Variants in STK31 observed in about 807,000 individuals in gnomAD.
STK31 encodes the protein serine/threonine-protein kinase 31.
Under a neutral mutation model 129.7 loss-of-function variants are expected in STK31, and 89 were observed. That is an observed-to-expected ratio of 0.69 (90% CI 0.58 to 0.82). STK31 has a LOEUF of 0.82. STK31 is among the 40% of genes least tolerant of loss of function. The probability of loss-of-function intolerance (pLI) is 0.00; values close to 1 mark genes in which losing one functional copy is unlikely to be tolerated. For missense variants in STK31, 1,187 were observed against 1,176.4 expected (o/e 1.01, Z -0.13); for synonymous variants, 448 against 395.3 (o/e 1.13, Z -1.58).
intron 4 of STK31, among the ~76,000 whole-genome samples, chr7:23,724,497 A>G (rs764217668): frequency 2.0e-5 from 3 of 152,234 alleles, no homozygotes; most frequent in African/African-American, 4.8e-5. Flanking sequence ...TTACAGTACC[A>G]GCTCTATTCT....
At chr7:23,726,374 T>C (rs577437819) in intron 4 of STK31, 1 of 131,534 alleles carries the variant, frequency 7.6e-6, no homozygotes, top group East Asian at 2.2e-4. Flanking sequence ...AAGGCTACTT[T>C]GAAGTTCGAG....
At chr7:23,786,416 TAAAA>T in intron 18 of STK31, 88 bp from the exon 19 acceptor site, 9 of 1,259,588 alleles carry the variant, frequency 7.1e-6, no homozygotes, top group Non-Finnish European at 9.4e-6. Flanking sequence ...TGATTTAACT[TAAAA>T]TAATGAATTA....
intron 8 of STK31, among the ~76,000 whole-genome samples, chr7:23,741,462 G>A (rs566943286): frequency 1.7e-4 from 26 of 151,776 alleles, no homozygotes; most frequent in East Asian, 1.2e-3. Flanking sequence ...AAATTTTGAC[G>A]TATGTATACT....
chr7:23,717,444 A>G, intron 3 of STK31, 37 bp from the exon 4 acceptor site: 3 of 1,435,664 alleles, frequency 2.1e-6, no homozygotes, highest in East Asian at 2.5e-5. Context: ...GTAAAATAAT[A>G]TTTTACTGTA....
At chr7:23,726,827 A>G (rs981140730) in intron 4 of STK31, among the ~76,000 whole-genome samples, 3 of 152,158 alleles carry the variant, frequency 2.0e-5, no homozygotes, top group African/African-American at 7.2e-5. Context: ...GAATTCCACT[A>G]TAGTTGAGAG....
At chr7:23,731,904 GAAGCT>G (rs1787455143) in intron 6 of STK31, among the ~76,000 whole-genome samples, 1 of 152,236 alleles carries the variant, frequency 6.6e-6, no homozygotes, top group Non-Finnish European at 1.5e-5. Flanking sequence ...GTTTCTGAAT[GAAGCT>G]TACCAGTTTG....
At chr7:23,804,152 A>C (rs933538185) in intron 22 of STK31, among the ~76,000 whole-genome samples, 1 of 152,094 alleles carries the variant, frequency 6.6e-6, no homozygotes, top group African/African-American at 2.4e-5. Context: ...TCCTGAGCTC[A>C]AGCGATCTTC....
chr7:23,768,071 G>A (rs1789944637), intron 11 of STK31, among the ~76,000 whole-genome samples: 1 of 151,900 alleles, frequency 6.6e-6, no homozygotes, highest in African/African-American at 2.4e-5. Flanking sequence ...ACCCAGCCAG[G>A]CCAATTCATT....
intron 13 of STK31, among the ~76,000 whole-genome samples, chr7:23,770,654 G>T (rs905500685): frequency 6.6e-6 from 1 of 151,498 alleles, no homozygotes; most frequent in Non-Finnish European, 1.5e-5. Flanking sequence ...TTGCTCTGTC[G>T]CCCAGGCTGG....
chr7:23,803,041 A>G (rs1212876687), intron 22 of STK31, among the ~76,000 whole-genome samples: 5 of 152,218 alleles, frequency 3.3e-5, no homozygotes, highest in Non-Finnish European at 7.3e-5. Flanking sequence ...TGTTAGATTT[A>G]TACCTAAGAA....
At chr7:23,726,429 C>CAAAAAAAAAAAAAAAAAAAAAAAAAAA in intron 4 of STK31, 1 of 79,178 alleles carries the variant, frequency 1.3e-5, no homozygotes, top group Non-Finnish European at 2.2e-5. Flanking sequence ...CTTGCCTCTA[C>CAAAAAAAAAAAAAAAAAAAAAAAAAAA]AAAAAAAAAA....
At chr7:23,757,588 C>A (rs1407956466) in intron 10 of STK31, among the ~76,000 whole-genome samples, 1 of 152,176 alleles carries the variant, frequency 6.6e-6, no homozygotes, top group Admixed American at 6.5e-5. Flanking sequence ...CAGCATGTCT[C>A]ACCTCCAGCC....
At chr7:23,803,430 AT>A (rs1792502678) in intron 22 of STK31, among the ~76,000 whole-genome samples, 1 of 152,210 alleles carries the variant, frequency 6.6e-6, no homozygotes, top group East Asian at 1.9e-4. Context: ...CTAACTAGAT[AT>A]TTTGGGCATA....
rs1791221147 is a variant in STK31 at position 23,785,571 on chromosome 7, T to TCTGCC, written c.2245_2246insCCCTG (p.Glu749AlafsTer8). The TCTGCC allele has an allele frequency of 5.6e-6, 9 of 1,613,782 alleles. No homozygotes were observed. Among genetic ancestry groups the TCTGCC allele is most frequent in the African/African-American group, 2.7e-5 (2 of 74,926 alleles). ...TAGCAGCAAGCGTCCTTTGGTACGT[T>TCTGCC]CTGAGGTTAATGGGCAGATAATTCT... On this transcript the variant is annotated frameshift_variant, in exon 18 of 24. Coordinates refer to ENST00000355870, the MANE Select transcript of STK31 (RefSeq NM_031414.5). LOFTEE classifies it high-confidence loss of function.
At chr7:23,718,468 C>T (rs1786486274) in intron 4 of STK31, among the ~76,000 whole-genome samples, 1 of 152,098 alleles carries the variant, frequency 6.6e-6, no homozygotes, top group South Asian at 2.1e-4. Flanking sequence ...TCTATCATTT[C>T]AGAAAATTCC....
At position 23,824,878 on chromosome 7, in the gene STK31, C is replaced by G. The variant is rs1168201999; in HGVS notation, c.2830-7258C>G. Among the ~76,000 whole-genome samples, 13 of 151,886 alleles carry G rather than the reference C, an allele frequency of 8.6e-5. No individual in the cohort carries two copies. The South Asian group carries it at 2.7e-3, about 32-fold the overall frequency. Reference sequence around the variant, plus strand: ...AATCATGTGGTTTTTGTCTTTGGTTCTGTTTATATGCTGGATTACGTTTAT... The same window carrying G: ...AATCATGTGGTTTTTGTCTTTGGTTGTGTTTATATGCTGGATTACGTTTAT... On this transcript the variant is annotated intron_variant, in intron 23 of 23. Transcript: ENST00000355870.
At chr7:23,780,191 G>C (rs866703472) in intron 15 of STK31, among the ~76,000 whole-genome samples, 1 of 152,050 alleles carries the variant, frequency 6.6e-6, no homozygotes, top group Admixed American at 6.5e-5. Flanking sequence ...GTCCCAGTGA[G>C]ATAAGCCGGG....
intron 23 of STK31, among the ~76,000 whole-genome samples, chr7:23,818,591 T>G (rs1419471995): frequency 1.4e-5 from 2 of 147,810 alleles, no homozygotes; most frequent in Non-Finnish European, 3.0e-5. Flanking sequence ...ATAGGGCTAG[T>G]TCCTTCTTCA....
chr7:23,827,429 C>T (rs573072049), intron 23 of STK31, among the ~76,000 whole-genome samples: 8 of 152,250 alleles, frequency 5.3e-5, no homozygotes, highest in African/African-American at 1.7e-4. Flanking sequence ...ATTTCTCGTG[C>T]CATGGTTTTC....
Sources: allele counts gnomAD v4.1 joint callset (sites outside exome capture counted in the v4.1 genomes callset), GRCh38; gene constraint gnomAD v4.1.1; transcripts MANE v1.5; gene names NCBI Gene and HGNC (gene_info 2026-07-23, HGNC 2026-07-21).